Variants in EPYC observed in about 807,000 individuals in gnomAD.
EPYC encodes dermatan sulfate proteoglycan 3.
Under a neutral mutation model 30.1 loss-of-function variants are expected in EPYC, and 28 were observed. The ratio of observed to expected loss-of-function variants is 0.93; its 90% confidence interval spans 0.69 to 1.28. EPYC has a LOEUF of 1.28. Among genes scored for constraint, EPYC ranks in the 50% most tolerant of loss-of-function variants. The pLI is 0.00. For synonymous variants in EPYC, 144 were observed against 141.4 expected (o/e 1.02, Z -0.13); for missense variants, 382 against 383.5 (o/e 1.00, Z 0.03).
At chr12:90,983,838 CT>C (rs2120838586) in intron 2 of EPYC, among the ~76,000 whole-genome samples, 1 of 152,174 alleles carries the variant, frequency 6.6e-6, no homozygotes, top group African/African-American at 2.4e-5. Context: ...GACTCTGTTC[CT>C]TTCTTTAGGC....
In EPYC at chr12:90,963,870, G is replaced by T; in HGVS notation, c.*286C>A. ...CTTAATTTGAAATGATATAGGATAT[G>T]AACTCCTAAAACTTGCAAGTGATAC... On this transcript the variant is annotated 3_prime_UTR_variant, in exon 7 of 7. Transcript: ENST00000261172. The T allele has an allele frequency of 4.5e-6, 1 of 221,466 alleles. No individual in the cohort carries two copies. The allele number at this position is 221,466 out of a possible 1,614,324, so 13.7% of individuals were successfully genotyped here. A position where few individuals can be genotyped will look rare whatever the true frequency, so the allele number is the denominator to read the frequency against.
intron 2 of EPYC, among the ~76,000 whole-genome samples, chr12:90,987,807 G>C (rs1330152154): frequency 6.6e-6 from 1 of 152,078 alleles, no homozygotes; most frequent in Non-Finnish European, 1.5e-5. Flanking sequence ...CTTCCTAGAT[G>C]TGTACAATGT....
intron 2 of EPYC, among the ~76,000 whole-genome samples, chr12:90,983,094 C>T (rs78543992): frequency 3.5e-3 from 527 of 152,240 alleles, no homozygotes; most frequent in Admixed American, 7.7e-3. Flanking sequence ...TACTGATTTA[C>T]ATTCCCAACA....
At chr12:90,985,520 G>A (rs779003369) in intron 2 of EPYC, among the ~76,000 whole-genome samples, 24 of 152,226 alleles carry the variant, frequency 1.6e-4, no homozygotes, top group Admixed American at 1.6e-3. Context: ...AAGGAAAAGC[G>A]ATATCAGAGA....
chr12:90,970,010 A>G (rs753793997), intron 6 of EPYC, 34 bp downstream of exon 6: 50 of 1,517,722 alleles, frequency 3.3e-5, no homozygotes, highest in Non-Finnish European at 4.5e-5. Flanking sequence ...CTTTCTCTGA[A>G]GCCCTTGGGC....
At chr12:90,965,668 ATACTT>A (rs1876876396) in intron 6 of EPYC, among the ~76,000 whole-genome samples, 1 of 152,090 alleles carries the variant, frequency 6.6e-6, no homozygotes, top group Non-Finnish European at 1.5e-5. Context: ...ATTAGTTCAA[ATACTT>A]TAGTGGATTC....
intron 2 of EPYC, among the ~76,000 whole-genome samples, chr12:90,990,267 T>A (rs1877551061): frequency 6.6e-6 from 1 of 152,100 alleles, no homozygotes. Flanking sequence ...CATAAATCCA[T>A]GCCTTTTAAT....
intron 6 of EPYC, among the ~76,000 whole-genome samples, chr12:90,969,379 T>C (rs1876977442): frequency 6.6e-6 from 1 of 152,058 alleles, no homozygotes; most frequent in South Asian, 2.1e-4. Context: ...CAACCAAAAA[T>C]ATTCATTATG....
At chr12:90,993,205 A>G (rs1877626683) in intron 2 of EPYC, among the ~76,000 whole-genome samples, 1 of 152,128 alleles carries the variant, frequency 6.6e-6, no homozygotes, top group African/African-American at 2.4e-5. Context: ...ATTGACTATC[A>G]ATTGCATACA....
At chr12:90,989,510 C>T (rs544848071) in intron 2 of EPYC, among the ~76,000 whole-genome samples, 6 of 151,948 alleles carry the variant, frequency 3.9e-5, no homozygotes, top group African/African-American at 1.4e-4. Flanking sequence ...AGAACATGTA[C>T]ATGCTTTTTT....
chr12:90,994,674 T>G (rs189617592), intron 2 of EPYC, among the ~76,000 whole-genome samples: 2 of 152,304 alleles, frequency 1.3e-5, no homozygotes, highest in Admixed American at 1.3e-4. Context: ...CTGTACCTAT[T>G]TATTCACTTA....
rs192133142 is a variant in EPYC, at chr12:90,964,145, A to G, written c.*11T>C. The G allele has an allele frequency of 6.5e-4, 1,041 of 1,607,400 alleles. 1 individual carries two copies. The highest frequency in any genetic ancestry group is 8.2e-4 in the Non-Finnish European group (965 of 1,175,296). ...TATAGTAGCCATCGTAATGCTAACC[A>G]TTATCTGAAATTAGACAAGGCTCCC... On this transcript the variant is annotated 3_prime_UTR_variant, in exon 7 of 7. Coordinates refer to ENST00000261172, the MANE Select transcript of EPYC (RefSeq NM_004950.5).
chr12:90,972,734 G>T, intron 4 of EPYC, 88 bp downstream of exon 4: 1 of 1,186,464 alleles, frequency 8.4e-7, no homozygotes, highest in Non-Finnish European at 1.2e-6. Flanking sequence ...TGGCATTCAA[G>T]TTTCATTCTC....
At chr12:90,966,317 C>G (rs1248069859) in intron 6 of EPYC, among the ~76,000 whole-genome samples, 1 of 151,786 alleles carries the variant, frequency 6.6e-6, no homozygotes, top group Non-Finnish European at 1.5e-5. Context: ...TCCTTCTATT[C>G]CTAGTTTTAC....
chr12:90,986,716 C>T (rs1285040962), intron 2 of EPYC, among the ~76,000 whole-genome samples: 8 of 152,154 alleles, frequency 5.3e-5, no homozygotes, highest in Non-Finnish European at 1.0e-4. Context: ...ATACCTGAGT[C>T]AACCCAGTGC....
intron 2 of EPYC, among the ~76,000 whole-genome samples, chr12:90,989,967 T>C (rs185760002): frequency 8.5e-5 from 13 of 152,196 alleles, no homozygotes; most frequent in African/African-American, 3.1e-4. Flanking sequence ...AGTCAGTTCA[T>C]ATTCCCTACC....
Position 90,990,889 on chromosome 12 carries a change from C to A in EPYC, c.165+11512G>T, listed in dbSNP as rs370868995. ...CTGGGATATTCTTTTTTTCTCTCTA[C>A]TTCCAAAATTTACTGATCCTCTTCA... On this transcript the variant is annotated intron_variant, in intron 2 of 6. Transcript: ENST00000261172. Among the ~76,000 whole-genome samples the A allele has an allele frequency of 5.3e-5, 8 of 152,226 alleles. No homozygotes were observed. In the East Asian group the frequency reaches 1.4e-3, roughly 26 times the overall value.
Position 90,984,222 on chromosome 12 carries a change from C to T in EPYC, c.166-5960G>A, listed in dbSNP as rs1877394253. Among the ~76,000 whole-genome samples, 5 of 152,110 alleles carry T rather than the reference C, an allele frequency of 3.3e-5. No homozygotes were observed. In the South Asian group the frequency reaches 1.0e-3, roughly 31 times the overall value. ...ACCACTAAATCTGACCTTCCTTGGT[C>T]CTCTTTGTGGTCTAAGAGGAAAACT... On this transcript the variant is annotated intron_variant, in intron 2 of 6. Transcript: ENST00000261172.
At chr12:90,984,440 T>C (rs1449768228) in intron 2 of EPYC, among the ~76,000 whole-genome samples, 1 of 152,124 alleles carries the variant, frequency 6.6e-6, no homozygotes, top group East Asian at 1.9e-4. Flanking sequence ...TGAGACCAAT[T>C]TGACCCACAA....
Sources: gnomAD v4.1 joint callset for allele counts (sites outside exome capture counted in the v4.1 genomes callset) on GRCh38, gnomAD v4.1.1 for gene constraint, MANE v1.5 for transcripts, NCBI Gene and HGNC (gene_info 2026-07-23, HGNC 2026-07-21) for gene names.